The following ADGRA3 variants were observed in gnomAD, a reference collection of about 807,000 sequenced individuals.
ADGRA3 encodes the protein G-protein coupled receptor 125.
A neutral mutation model predicts 119.8 loss-of-function variants in ADGRA3; 56 were observed. The observed-to-expected ratio is 0.47, with a 90% CI of 0.38 to 0.58. ADGRA3 has a LOEUF of 0.58. Ranked by LOEUF, ADGRA3 falls within the 20% of genes least tolerant of loss-of-function variation. The pLI, the probability that ADGRA3 is intolerant of heterozygous loss-of-function variation, is 0.00. For synonymous variants in ADGRA3, 607 were observed against 623.8 expected, an observed-to-expected ratio of 0.97 and a Z score of 0.40; for missense variants, 1,516 against 1,649.0, an observed-to-expected ratio of 0.92 and a Z score of 1.40.
At chr4:22,439,857 C>G (rs934704403) in intron 7 of ADGRA3, among the ~76,000 whole-genome samples, 1 of 152,078 alleles carries the variant, frequency 6.6e-6, no homozygotes, top group African/African-American at 2.4e-5. Context: ...TGGTGCCCCA[C>G]CCCAGCTCAA....
At chr4:22,412,596 C>T (rs1715251713) in intron 14 of ADGRA3, among the ~76,000 whole-genome samples, 1 of 152,120 alleles carries the variant, frequency 6.6e-6, no homozygotes, top group South Asian at 2.1e-4. Flanking sequence ...TCCCAAGCAT[C>T]TCAGATAAGA....
chr4:22,425,089 A>AG (rs1201680313), intron 10 of ADGRA3, among the ~76,000 whole-genome samples: 1 of 150,748 alleles, frequency 6.6e-6, no homozygotes, highest in East Asian at 2.0e-4. Context: ...AAAAAAAAAA[A>AG]GGCAGGCAGG....
rs190433661 is a variant in ADGRA3 at position 22,500,831 on chromosome 4, G to T, written c.257+14697C>A. Among the ~76,000 whole-genome samples the T allele has an allele frequency of 1.2e-3, 188 of 152,260 alleles. 1 individual carries two copies. Among genetic ancestry groups the T allele is most frequent in the Non-Finnish European group, 1.7e-3 (116 of 68,016 alleles). ...ATCCTCCCTAATCCACTTTGGGGAA[G>T]ACCAAAGTAGACTGGTCCTCTTTAA... On this transcript the variant is annotated intron_variant, in intron 1 of 18. Coordinates refer to ENST00000334304, the MANE Select transcript of ADGRA3 (RefSeq NM_145290.4).
At chr4:22,396,020 T>G (rs1273846569) in intron 16 of ADGRA3, among the ~76,000 whole-genome samples, 1 of 152,124 alleles carries the variant, frequency 6.6e-6, no homozygotes. Flanking sequence ...ACAAGGTATC[T>G]TAGATAAGAT....
chr4:22,491,330 T>C (rs943944291), intron 1 of ADGRA3, among the ~76,000 whole-genome samples: 7 of 152,236 alleles, frequency 4.6e-5, no homozygotes, highest in African/African-American at 1.2e-4. Context: ...TGTAGGTACT[T>C]ATATAATGAG....
At chr4:22,462,538 C>T (rs952621547) in intron 2 of ADGRA3, among the ~76,000 whole-genome samples, 2 of 152,194 alleles carry the variant, frequency 1.3e-5, no homozygotes, top group Admixed American at 1.3e-4. Flanking sequence ...TGATCTCAAA[C>T]TCCTGACCTC....
intron 2 of ADGRA3, 57 bp from the exon 3 acceptor site, chr4:22,461,865 C>T (rs1553878361): frequency 4.7e-6 from 5 of 1,062,968 alleles, no homozygotes; most frequent in South Asian, 1.4e-5. Flanking sequence ...AGTATTCAGG[C>T]ACAATACACT....
chr4:22,477,489 C>T (rs1202532639), intron 1 of ADGRA3: 2 of 152,114 alleles, frequency 1.3e-5, no homozygotes, highest in African/African-American at 4.8e-5. Context: ...TTAAAATAAA[C>T]CAAAGAACAG....
intron 1 of ADGRA3, among the ~76,000 whole-genome samples, chr4:22,495,341 A>C (rs1373129074): frequency 6.6e-6 from 1 of 152,030 alleles, no homozygotes; most frequent in Non-Finnish European, 1.5e-5. Context: ...TGAGAGTCGG[A>C]TCGCAGGGCC....
At chr4:22,497,821 T>A (rs1315319225) in intron 1 of ADGRA3, among the ~76,000 whole-genome samples, 1 of 144,356 alleles carries the variant, frequency 6.9e-6, no homozygotes, top group Non-Finnish European at 1.5e-5. Context: ...AGCTCATGCC[T>A]ATAATCCCAG....
At chr4:22,433,800 G>A (rs1716281638) in intron 10 of ADGRA3, among the ~76,000 whole-genome samples, 3 of 152,154 alleles carry the variant, frequency 2.0e-5, no homozygotes, top group Non-Finnish European at 4.4e-5. Context: ...CAACAATGGA[G>A]CACAATATAA....
chr4:22,447,782 T>A (rs1020491516), intron 4 of ADGRA3, among the ~76,000 whole-genome samples: 3 of 152,112 alleles, frequency 2.0e-5, no homozygotes, highest in Non-Finnish European at 2.9e-5. Flanking sequence ...CAGGTGAACC[T>A]AAAAGGTACC....
chr4:22,471,406 C>T (rs1188037297), intron 2 of ADGRA3, among the ~76,000 whole-genome samples: 1 of 152,020 alleles, frequency 6.6e-6, no homozygotes, highest in Non-Finnish European at 1.5e-5. Context: ...TACAACAAAC[C>T]CTCATGACAC....
At chr4:22,412,327 C>T (rs770476882) in intron 14 of ADGRA3, among the ~76,000 whole-genome samples, 88 of 152,164 alleles carry the variant, frequency 5.8e-4, no homozygotes, top group Non-Finnish European at 8.5e-4. Context: ...TCTGCTCAGA[C>T]GTCAGATTCA....
intron 1 of ADGRA3, among the ~76,000 whole-genome samples, chr4:22,480,023 A>G (rs890481893): frequency 2.0e-5 from 3 of 152,182 alleles, no homozygotes; most frequent in African/African-American, 7.2e-5. Context: ...GAGGGAGAGC[A>G]TTAGGAGAAA....
chr4:22,392,438 G>T, intron 17 of ADGRA3, 107 bp downstream of exon 17: 1 of 1,333,540 alleles, frequency 7.5e-7, no homozygotes, highest in Non-Finnish European at 1.1e-6. Context: ...CTGCATACAA[G>T]TCCGTTCTTT....
intron 4 of ADGRA3, among the ~76,000 whole-genome samples, chr4:22,450,195 C>A (rs995067225): frequency 6.6e-6 from 1 of 151,454 alleles, no homozygotes; most frequent in East Asian, 1.9e-4. Flanking sequence ...AAAGTCACTG[C>A]TCCTGTATCA....
intron 16 of ADGRA3, chr4:22,393,934 T>C (rs762686284): frequency 6.6e-5 from 10 of 152,168 alleles, no homozygotes; most frequent in Non-Finnish European, 1.3e-4. Flanking sequence ...AGTTTCTATT[T>C]ATCACATGAC....
intron 3 of ADGRA3, among the ~76,000 whole-genome samples, chr4:22,458,062 T>C (rs796574042): frequency 2.0e-5 from 3 of 152,292 alleles, no homozygotes; most frequent in South Asian, 2.1e-4. Flanking sequence ...AAAAAATAGA[T>C]TGCAGGGAAA....
Sources: allele counts gnomAD v4.1 joint callset (sites outside exome capture counted in the v4.1 genomes callset), GRCh38; gene constraint gnomAD v4.1.1; transcripts MANE v1.5; gene names NCBI Gene and HGNC (gene_info 2026-07-23, HGNC 2026-07-21).